Variants in ERBB4 observed in about 807,000 individuals in gnomAD.
ERBB4 encodes erb-b2 receptor tyrosine kinase 4.
ERBB4 carries 42 observed loss-of-function variants against 158.0 expected under a neutral mutation model. The observed-to-expected ratio is 0.27, with a 90% CI of 0.21 to 0.34. The LOEUF (loss-of-function observed/expected upper bound fraction) is 0.34. ERBB4 is among the 10% of genes least tolerant of loss of function. The pLI, the probability that ERBB4 is intolerant of heterozygous loss-of-function variation, is 1.00. For missense variants in ERBB4, 1,333 were observed against 1,624.1 expected, an observed-to-expected ratio of 0.82 and a Z score of 3.08; for synonymous variants, 583 against 558.7, an observed-to-expected ratio of 1.04 and a Z score of -0.61.
At chr2:211,482,681 G>A (rs1270707933) in intron 20 of ERBB4, among the ~76,000 whole-genome samples, 8 of 152,138 alleles carry the variant, frequency 5.3e-5, no homozygotes, top group Non-Finnish European at 1.0e-4. Flanking sequence ...CAAGATAGGC[G>A]GATCACCTGA....
intron 20 of ERBB4, among the ~76,000 whole-genome samples, chr2:211,436,673 A>G (rs141476605): frequency 2.7e-3 from 411 of 152,310 alleles, no homozygotes; most frequent in Non-Finnish European, 4.5e-3. Flanking sequence ...AAATCTGTGA[A>G]CCTCAGCTAA....
chr2:212,188,189 T>G (rs932845156), intron 1 of ERBB4, among the ~76,000 whole-genome samples: 5 of 12,710 alleles, frequency 3.9e-4, no homozygotes, highest in South Asian at 8.3e-3. Flanking sequence ...TTCAGGTCTC[T>G]CTCTCTCTCT....
At chr2:212,156,784 A>G (rs540491884) in intron 1 of ERBB4, among the ~76,000 whole-genome samples, 1 of 152,262 alleles carries the variant, frequency 6.6e-6, no homozygotes, top group Admixed American at 6.5e-5. Flanking sequence ...TGTCCAAGAC[A>G]GAGACACACT....
chr2:212,491,635 AT>A (rs1690285313), intron 1 of ERBB4, among the ~76,000 whole-genome samples: 1 of 151,556 alleles, frequency 6.6e-6, no homozygotes, highest in South Asian at 2.1e-4. Context: ...ACTGCCTTTC[AT>A]TGATTCACTG....
chr2:212,310,614 T>C (rs56024862), intron 1 of ERBB4, among the ~76,000 whole-genome samples: 24 of 12,248 alleles, frequency 2.0e-3, no homozygotes, highest in East Asian at 6.2e-3. Context: ...TGTATATGTG[T>C]GTGTGTGTGT....
At chr2:212,536,453 T>A (rs111425211) in intron 1 of ERBB4, among the ~76,000 whole-genome samples, 13 of 152,210 alleles carry the variant, frequency 8.5e-5, no homozygotes, top group African/African-American at 3.1e-4. Flanking sequence ...TCACTTTGTG[T>A]TTTGAACAAG....
At chr2:212,159,545 G>T (rs1195846477) in intron 1 of ERBB4, among the ~76,000 whole-genome samples, 2 of 151,790 alleles carry the variant, frequency 1.3e-5, no homozygotes, top group African/African-American at 4.8e-5. Context: ...TGCCAGCCTG[G>T]GTTGCATAAT....
chr2:212,076,440 A>T (rs2125456485), intron 2 of ERBB4, among the ~76,000 whole-genome samples: 1 of 152,090 alleles, frequency 6.6e-6, no homozygotes, highest in East Asian at 1.9e-4. Context: ...TTAAGTGCCT[A>T]TTTTAAGCAA....
chr2:211,657,841 A>C lies in ERBB4; in HGVS notation c.1872-13T>G. ...GGGACCGTTACACCTGCAGGCAATTACAGAACAGAAAACATCATTCTCCAT... is the reference window on the plus strand; with the variant it reads ...GGGACCGTTACACCTGCAGGCAATTCCAGAACAGAAAACATCATTCTCCAT... On this transcript the variant is annotated splice_polypyrimidine_tract_variant and intron_variant, in intron 15 of 27. Transcript: ENST00000342788. The C allele has an allele frequency of 1.9e-6, 3 of 1,612,958 alleles. No individual in the cohort carries two copies. Among genetic ancestry groups the C allele is most frequent in the Non-Finnish European group, 2.5e-6 (3 of 1,178,956 alleles).
intron 3 of ERBB4, among the ~76,000 whole-genome samples, chr2:211,925,426 G>T (rs1285122500): frequency 7.7e-6 from 1 of 130,096 alleles, no homozygotes; most frequent in Non-Finnish European, 1.5e-5. Flanking sequence ...TCTGTCCCCA[G>T]GCTGGAGTGC....
intron 25 of ERBB4, among the ~76,000 whole-genome samples, chr2:211,399,812 C>G (rs2062995501): frequency 6.6e-6 from 1 of 151,934 alleles, no homozygotes; most frequent in African/African-American, 2.4e-5. Context: ...TTAGCTGTAT[C>G]CCTGAAAAAT....
intron 21 of ERBB4, 127 bp from the exon 22 acceptor site, chr2:211,428,610 C>T: frequency 2.0e-6 from 1 of 504,732 alleles, no homozygotes; most frequent in South Asian, 3.1e-5. Context: ...ATAGATATAA[C>T]TATAACTATA....
intron 19 of ERBB4, among the ~76,000 whole-genome samples, chr2:211,564,484 A>G (rs1399955625): frequency 2.6e-5 from 4 of 152,218 alleles, no homozygotes; most frequent in African/African-American, 9.6e-5. Flanking sequence ...TGATAAAAAT[A>G]TGGACGATTT....
At chr2:211,562,768 A>ATTTTTTTTTTTTTTTTTTTTTTTTT in intron 19 of ERBB4, among the ~76,000 whole-genome samples, 1 of 127,110 alleles carries the variant, frequency 7.9e-6, no homozygotes, top group Non-Finnish European at 1.6e-5. Flanking sequence ...GACTACTCCA[A>ATTTTTTTTTTTTTTTTTTTTTTTTT]CTTTTTTTTT....
intron 5 of ERBB4, among the ~76,000 whole-genome samples, chr2:211,745,089 C>T (rs2074923336): frequency 6.6e-6 from 1 of 152,026 alleles, no homozygotes; most frequent in African/African-American, 2.4e-5. Flanking sequence ...AAGTCAGGGT[C>T]AGATATAAGT....
chr2:211,793,547 C>A (rs2076321662), intron 3 of ERBB4, among the ~76,000 whole-genome samples: 1 of 151,930 alleles, frequency 6.6e-6, no homozygotes, highest in Non-Finnish European at 1.5e-5. Context: ...GATGAAGCCA[C>A]AGAAAGCAGT....
At chr2:211,626,640 G>C (rs755982023) in intron 17 of ERBB4, among the ~76,000 whole-genome samples, 1 of 151,994 alleles carries the variant, frequency 6.6e-6, no homozygotes, top group Non-Finnish European at 1.5e-5. Context: ...AAACCAGTAA[G>C]TGGGCCGGGC....
At chr2:211,511,382 C>CT (rs2065881437) in intron 20 of ERBB4, among the ~76,000 whole-genome samples, 1 of 151,866 alleles carries the variant, frequency 6.6e-6, no homozygotes, top group Non-Finnish European at 1.5e-5. Flanking sequence ...TATACATGTT[C>CT]TTGAATAAAT....
intron 2 of ERBB4, among the ~76,000 whole-genome samples, chr2:212,054,062 C>G (rs908840321): frequency 6.6e-6 from 1 of 152,206 alleles, no homozygotes; most frequent in African/African-American, 2.4e-5. Flanking sequence ...GTGCAGTAAC[C>G]TCCTTCCCCT....
Sources: gnomAD v4.1 joint callset for allele counts (sites outside exome capture counted in the v4.1 genomes callset) on GRCh38, gnomAD v4.1.1 for gene constraint, MANE v1.5 for transcripts, NCBI Gene and HGNC (gene_info 2026-07-23, HGNC 2026-07-21) for gene names.